Variants in PHACTR1 observed in about 807,000 individuals in gnomAD.
The protein encoded by PHACTR1 is phosphatase and actin regulator 1, also known as RPEL repeat containing 1.
Under a neutral mutation model 69.2 loss-of-function variants are expected in PHACTR1, and 16 were observed. That is an observed-to-expected ratio of 0.23 (90% CI 0.16 to 0.35). PHACTR1 has a LOEUF of 0.35. Among genes scored for constraint, PHACTR1 ranks in the 10% least tolerant of loss-of-function variants. PHACTR1 has a pLI of 1.00. For missense variants in PHACTR1, 510 were observed against 734.7 expected (o/e 0.69, Z 3.54); for synonymous variants, 312 against 284.5 (o/e 1.10, Z -0.97).
chr6:12,727,847 A>G (rs1335654637), intron 3 of PHACTR1, among the ~76,000 whole-genome samples: 1 of 152,242 alleles, frequency 6.6e-6, no homozygotes, highest in Non-Finnish European at 1.5e-5. Flanking sequence ...AGAATTTCTC[A>G]GTAAGCAGTT....
At chr6:12,910,828 G>A (rs1786299821) in intron 4 of PHACTR1, among the ~76,000 whole-genome samples, 1 of 152,194 alleles carries the variant, frequency 6.6e-6, no homozygotes. Context: ...GATCTGGCTG[G>A]CTCTGCTGCA....
At chr6:13,038,013 G>A (rs1803573367) in intron 4 of PHACTR1, among the ~76,000 whole-genome samples, 1 of 152,170 alleles carries the variant, frequency 6.6e-6, no homozygotes. Flanking sequence ...CCAGTTAAGG[G>A]TAAGAATAAC....
chr6:12,745,303 C>T (rs1765634036), intron 3 of PHACTR1, among the ~76,000 whole-genome samples: 1 of 152,114 alleles, frequency 6.6e-6, no homozygotes, highest in Admixed American at 6.5e-5. Flanking sequence ...ATATAACACA[C>T]ATTTAAGAGT....
chr6:12,885,730 G>A (rs1364725490), intron 4 of PHACTR1, among the ~76,000 whole-genome samples: 1 of 152,174 alleles, frequency 6.6e-6, no homozygotes, highest in African/African-American at 2.4e-5. Context: ...AATCAAGGGG[G>A]CAGTTCTCAT....
At chr6:13,262,372 C>A (rs569127802) in intron 10 of PHACTR1, among the ~76,000 whole-genome samples, 25 of 152,136 alleles carry the variant, frequency 1.6e-4, no homozygotes, top group African/African-American at 5.8e-4. Flanking sequence ...CATAGGAGTA[C>A]AAGACAGCAG....
chr6:13,007,199 A>G (rs1288372962), intron 4 of PHACTR1, among the ~76,000 whole-genome samples: 1 of 152,024 alleles, frequency 6.6e-6, no homozygotes, highest in Non-Finnish European at 1.5e-5. Context: ...GCTTTATTTT[A>G]TTTTATTGTA....
At chr6:13,158,518 A>G (rs1356820875) in intron 5 of PHACTR1, among the ~76,000 whole-genome samples, 2 of 152,196 alleles carry the variant, frequency 1.3e-5, no homozygotes, top group African/African-American at 4.8e-5. Context: ...TCTCCCTCAT[A>G]TCACTTAATT....
chr6:13,154,952 A>G (rs1050685470), intron 5 of PHACTR1, among the ~76,000 whole-genome samples: 1 of 151,560 alleles, frequency 6.6e-6, no homozygotes, highest in Non-Finnish European at 1.5e-5. Flanking sequence ...TTTTCCCCAT[A>G]TCAACCCCAT....
At chr6:13,258,799 A>G (rs1021604593) in intron 10 of PHACTR1, among the ~76,000 whole-genome samples, 4 of 152,240 alleles carry the variant, frequency 2.6e-5, no homozygotes, top group Non-Finnish European at 5.9e-5. Flanking sequence ...GAGCAGGGAA[A>G]AGCAAAGGCT....
intron 4 of PHACTR1, among the ~76,000 whole-genome samples, chr6:12,760,242 G>C (rs916875663): frequency 1.3e-5 from 2 of 152,022 alleles, no homozygotes; most frequent in Non-Finnish European, 2.9e-5. Context: ...ACACTCACAG[G>C]AGAAAATTTT....
intron 5 of PHACTR1, among the ~76,000 whole-genome samples, chr6:13,131,146 T>TAC (rs1373141149): frequency 6.6e-6 from 1 of 150,402 alleles, no homozygotes; most frequent in Non-Finnish European, 1.5e-5. Context: ...TACATATATA[T>TAC]ACACATATAT....
At chr6:12,855,458 A>T (rs1265792184) in intron 4 of PHACTR1, among the ~76,000 whole-genome samples, 1 of 152,238 alleles carries the variant, frequency 6.6e-6, no homozygotes, top group African/African-American at 2.4e-5. Flanking sequence ...TCTCTATGAG[A>T]CAAAAAACAA....
Position 12,724,629 on chromosome 6 carries a change from T to G in PHACTR1, c.103+5782T>G, listed in dbSNP as rs112378798. Reference sequence around the variant, plus strand: ...GAGGCAACCTCTCATCTAGTTAGACTGATCAAATCAACCCCGCAGATCAGC... The same window carrying G: ...GAGGCAACCTCTCATCTAGTTAGACGGATCAAATCAACCCCGCAGATCAGC... On this transcript the variant is annotated intron_variant, in intron 3 of 14. Coordinates refer to ENST00000332995, the MANE Select transcript of PHACTR1 (RefSeq NM_030948.6). Among the ~76,000 whole-genome samples the G allele has an allele frequency of 8.1e-4, 124 of 152,326 alleles. 1 individual carries two copies. The highest frequency in any genetic ancestry group is 3.0e-3 in the African/African-American group (124 of 41,572).
At chr6:13,001,194 A>G (rs901016411) in intron 4 of PHACTR1, among the ~76,000 whole-genome samples, 1 of 152,240 alleles carries the variant, frequency 6.6e-6, no homozygotes, top group Non-Finnish European at 1.5e-5. Flanking sequence ...AATGATGTTG[A>G]TGGATTTTTA....
intron 4 of PHACTR1, among the ~76,000 whole-genome samples, chr6:12,877,578 C>T (rs979624084): frequency 5.3e-5 from 8 of 152,066 alleles, no homozygotes; most frequent in Non-Finnish European, 1.2e-4. Flanking sequence ...CCTGTTCCAC[C>T]CCCATCATCC....
At chr6:13,046,116 G>C (rs1804992735) in intron 4 of PHACTR1, among the ~76,000 whole-genome samples, 1 of 152,190 alleles carries the variant, frequency 6.6e-6, no homozygotes, top group African/African-American at 2.4e-5. Flanking sequence ...TAGTGGGGAA[G>C]ACTGCCAGAT....
intron 10 of PHACTR1, among the ~76,000 whole-genome samples, chr6:13,244,612 C>T (rs56796209): frequency 0.074 from 11,222 of 152,258 alleles, 1,265 homozygotes; most frequent in African/African-American, 0.25. Flanking sequence ...AAGAATTCAG[C>T]GATATTTCTC....
chr6:12,974,641 C>G (rs1794646795), intron 4 of PHACTR1, among the ~76,000 whole-genome samples: 3 of 152,174 alleles, frequency 2.0e-5, no homozygotes, highest in African/African-American at 7.2e-5. Context: ...GGTGACAACT[C>G]AATTGCGGTG....
chr6:12,717,473 T>G (rs1263951294), intron 1 of PHACTR1, 36 bp from the exon 2 acceptor site: 1 of 152,104 alleles, frequency 6.6e-6, no homozygotes, highest in Non-Finnish European at 1.5e-5. Context: ...CTGCCAAAGT[T>G]TTACACGGGA....
Sources: allele counts gnomAD v4.1 joint callset (sites outside exome capture counted in the v4.1 genomes callset), GRCh38; gene constraint gnomAD v4.1.1; transcripts MANE v1.5; gene names NCBI Gene and HGNC (gene_info 2026-07-23, HGNC 2026-07-21).